Variants in BMPER observed in about 807,000 individuals in gnomAD.
BMPER encodes the protein BMP binding endothelial regulator.
Under a neutral mutation model 87.3 loss-of-function variants are expected in BMPER, and 45 were observed. The observed-to-expected ratio is 0.52, with a 90% CI of 0.41 to 0.66. The LOEUF is 0.66. Ranked by LOEUF, BMPER falls within the 30% of genes least tolerant of loss-of-function variation. The pLI, the probability that BMPER is intolerant of heterozygous loss-of-function variation, is 0.00. For synonymous variants in BMPER, 326 were observed against 316.2 expected, an observed-to-expected ratio of 1.03 and a Z score of -0.33; for missense variants, 784 against 867.5, an observed-to-expected ratio of 0.90 and a Z score of 1.21.
At chr7:34,060,528 C>T (rs941893298) in intron 10 of BMPER, among the ~76,000 whole-genome samples, 5 of 152,228 alleles carry the variant, frequency 3.3e-5, no homozygotes, top group Non-Finnish European at 1.5e-5. Flanking sequence ...AGTTTTAAGT[C>T]TCACTCAAAG....
At chr7:34,084,119 C>T (rs1189030735) in intron 12 of BMPER, among the ~76,000 whole-genome samples, 1 of 151,702 alleles carries the variant, frequency 6.6e-6, no homozygotes, top group Non-Finnish European at 1.5e-5. Flanking sequence ...GCCTGGCCAA[C>T]ACAGTGAAAC....
intron 3 of BMPER, 81 bp from the exon 4 acceptor site, chr7:33,966,398 A>G (rs1227289458): frequency 1.7e-5 from 21 of 1,246,398 alleles, no homozygotes; most frequent in Non-Finnish European, 2.4e-5. Context: ...CTTAGAGAAC[A>G]TAACTTATTT....
intron 6 of BMPER, among the ~76,000 whole-genome samples, chr7:34,031,559 C>T (rs996426100): frequency 2.0e-5 from 3 of 151,912 alleles, no homozygotes; most frequent in Admixed American, 2.0e-4. Flanking sequence ...GTTCTCCTAA[C>T]TTTTCAGAGG....
At chr7:34,018,562 A>G (rs1168062395) in intron 6 of BMPER, among the ~76,000 whole-genome samples, 2 of 151,964 alleles carry the variant, frequency 1.3e-5, no homozygotes, top group East Asian at 3.9e-4. Flanking sequence ...CTGGACACCA[A>G]GACGAGTCGG....
intron 12 of BMPER, among the ~76,000 whole-genome samples, chr7:34,084,589 C>T: frequency 6.6e-6 from 1 of 152,218 alleles, no homozygotes; most frequent in East Asian, 1.9e-4. Context: ...TAAACAAAAA[C>T]TCTGGCTAGA....
intron 13 of BMPER, among the ~76,000 whole-genome samples, chr7:34,105,540 T>A (rs1225781108): frequency 1.3e-5 from 2 of 152,186 alleles, no homozygotes; most frequent in Non-Finnish European, 2.9e-5. Context: ...ATGAGAACAG[T>A]TTGATCGTCA....
intron 3 of BMPER, among the ~76,000 whole-genome samples, chr7:33,947,286 A>G (rs953031582): frequency 1.3e-5 from 2 of 152,184 alleles, no homozygotes; most frequent in African/African-American, 2.4e-5. Flanking sequence ...TATGTTTGCT[A>G]TTAGTAGATC....
At chr7:34,020,027 T>G (rs1423590564) in intron 6 of BMPER, among the ~76,000 whole-genome samples, 1 of 150,364 alleles carries the variant, frequency 6.7e-6, no homozygotes. Flanking sequence ...GAAAGAAGGA[T>G]TTGAAAGGGA....
chr7:34,010,297 T>C (rs887262119), intron 6 of BMPER, among the ~76,000 whole-genome samples: 5 of 151,978 alleles, frequency 3.3e-5, no homozygotes, highest in Non-Finnish European at 7.4e-5. Flanking sequence ...TTAACACCTA[T>C]CACATGGTTG....
At position 33,994,312 on chromosome 7, in the gene BMPER, T is replaced by C. The variant is rs146988783; in HGVS notation, c.576+19528T>C. Among the ~76,000 whole-genome samples the C allele has an allele frequency of 7.6e-3, 1,164 of 152,318 alleles. 17 individuals are homozygous for C. Among genetic ancestry groups the C allele is most frequent in the African/African-American group, 0.027 (1,116 of 41,578 alleles). ...GACCCTCCGAGCCAGGTGCGGGATA[T>C]AATCTCGTGATGCGCTGTTTTTTAA... On this transcript the variant is annotated intron_variant, in intron 6 of 14. Transcript: ENST00000649409.
intron 13 of BMPER, among the ~76,000 whole-genome samples, chr7:34,128,387 C>T (rs1273768685): frequency 1.3e-5 from 2 of 152,148 alleles, no homozygotes; most frequent in African/African-American, 2.4e-5. Flanking sequence ...CCTATTTTGG[C>T]ACATTGTGAA....
At chr7:33,906,595 C>T (rs1008067233) in intron 1 of BMPER, among the ~76,000 whole-genome samples, 1 of 151,868 alleles carries the variant, frequency 6.6e-6, no homozygotes, top group African/African-American at 2.4e-5. Flanking sequence ...ATAATTTATC[C>T]CTATATCATA....
At chr7:33,926,298 A>G (rs1005260043) in intron 2 of BMPER, among the ~76,000 whole-genome samples, 3 of 152,202 alleles carry the variant, frequency 2.0e-5, no homozygotes, top group African/African-American at 7.2e-5. Flanking sequence ...TGTTTCTAAT[A>G]GCCATTTGTT....
chr7:33,937,332 C>A lies in BMPER; in HGVS notation c.263C>A (p.Ser88Tyr), dbSNP rs2128609296. The A allele has an allele frequency of 6.2e-7, 1 of 1,614,212 alleles. No homozygotes were observed. The highest frequency in any genetic ancestry group is 2.2e-5 in the East Asian group (1 of 44,866). ...AAGAGAGAGAAGTGCCCCGTGCTGT[C>A]CCGAGACTGTGCCCTGGCCATCAAG... ...TCKREKCPVLSRDCALAIKQR... is the reference protein window; with the variant it reads ...TCKREKCPVLYRDCALAIKQR... The change falls in exon 3 of 15, where the codon TCC (serine) becomes TAC (tyrosine). Residue 88 changes from serine (S) to tyrosine (Y), a missense_variant. Coordinates refer to ENST00000649409, the MANE Select transcript of BMPER (RefSeq NM_001365308.1).
intron 2 of BMPER, among the ~76,000 whole-genome samples, chr7:33,916,003 G>A (rs1355483131): frequency 3.3e-5 from 5 of 152,206 alleles, no homozygotes; most frequent in African/African-American, 2.4e-5. Context: ...GGTCTGGGCC[G>A]TGGTCGGCAC....
intron 11 of BMPER, among the ~76,000 whole-genome samples, chr7:34,075,761 T>C (rs1016024801): frequency 6.6e-6 from 1 of 152,320 alleles, no homozygotes; most frequent in African/African-American, 2.4e-5. Flanking sequence ...ATGAGGATGC[T>C]GTGTTCTTTT....
intron 6 of BMPER, among the ~76,000 whole-genome samples, chr7:34,011,598 A>G (rs1265378229): frequency 1.2e-4 from 18 of 148,444 alleles, no homozygotes; most frequent in African/African-American, 3.3e-4. Flanking sequence ...AAAAAAAAAA[A>G]AAAAAAGAAA....
At chr7:34,143,117 A>C in intron 13 of BMPER, 113 bp from the exon 14 acceptor site, 1 of 1,525,904 alleles carries the variant, frequency 6.6e-7, no homozygotes, top group South Asian at 1.1e-5. Context: ...TAAAACAGCA[A>C]ATTTTAATGG....
At chr7:33,991,554 T>G (rs1258375272) in intron 6 of BMPER, among the ~76,000 whole-genome samples, 1 of 152,210 alleles carries the variant, frequency 6.6e-6, no homozygotes, top group Non-Finnish European at 1.5e-5. Context: ...TTGTTGATCC[T>G]TTCAAAAAAC....
Sources: gnomAD v4.1 joint callset for allele counts (sites outside exome capture counted in the v4.1 genomes callset) on GRCh38, gnomAD v4.1.1 for gene constraint, MANE v1.5 for transcripts, NCBI Gene and HGNC (gene_info 2026-07-23, HGNC 2026-07-21) for gene names.